Variants in LMO7 observed in about 807,000 individuals in gnomAD.
LMO7 encodes LIM domain only protein 7.
LMO7 carries 120 observed loss-of-function variants against 206.5 expected under a neutral mutation model. The ratio of observed to expected loss-of-function variants is 0.58; its 90% CI spans 0.50 to 0.68. LMO7 has a LOEUF of 0.68. LMO7 is among the 30% of genes least tolerant of loss of function. The pLI, the probability that LMO7 is intolerant of heterozygous loss-of-function variation, is 0.00. For missense variants in LMO7, 1,959 were observed against 1,957.9 expected, an observed-to-expected ratio of 1.00 and a Z score of -0.01; for synonymous variants, 706 against 681.5, an observed-to-expected ratio of 1.04 and a Z score of -0.56.
At chr13:75,640,616 A>C (rs921278395) in intron 1 of LMO7, among the ~76,000 whole-genome samples, 4 of 152,122 alleles carry the variant, frequency 2.6e-5, no homozygotes, top group African/African-American at 9.7e-5. Context: ...TTTCTATATT[A>C]GTCTATGAGC....
chr13:75,672,829 T>C (rs139148612), intron 1 of LMO7, among the ~76,000 whole-genome samples: 1 of 152,258 alleles, frequency 6.6e-6, no homozygotes, highest in African/African-American at 2.4e-5. Context: ...ATATAATTTG[T>C]GTCTTTTCTG....
At chr13:75,714,876 TA>T (rs1348521999) in intron 2 of LMO7, among the ~76,000 whole-genome samples, 1 of 151,892 alleles carries the variant, frequency 6.6e-6, no homozygotes, top group Non-Finnish European at 1.5e-5. Flanking sequence ...AGCTATTATT[TA>T]AATGTTTGCA....
intron 9 of LMO7, 124 bp downstream of exon 9, chr13:75,805,884 G>A (rs1294541992): frequency 1.1e-5 from 13 of 1,163,298 alleles, no homozygotes; most frequent in Non-Finnish European, 1.6e-5. Flanking sequence ...TCTAGTATCT[G>A]CGGAACCTAT....
chr13:75,739,541 T>C (rs1156310556), intron 3 of LMO7, among the ~76,000 whole-genome samples: 2 of 152,226 alleles, frequency 1.3e-5, no homozygotes, highest in African/African-American at 4.8e-5. Flanking sequence ...GGCAAGTCTA[T>C]GCATCCCTTC....
intron 2 of LMO7, among the ~76,000 whole-genome samples, chr13:75,726,596 A>G (rs1308764808): frequency 6.6e-6 from 1 of 152,080 alleles, no homozygotes; most frequent in Non-Finnish European, 1.5e-5. Flanking sequence ...AAATAATATG[A>G]TTTTGAAGCT....
intron 1 of LMO7, among the ~76,000 whole-genome samples, chr13:75,682,522 G>C (rs751334348): frequency 6.6e-6 from 1 of 152,182 alleles, no homozygotes; most frequent in Non-Finnish European, 1.5e-5. Context: ...GGGACAGATG[G>C]TATACATGGG....
At chr13:75,801,959 C>CCT (rs10559208) in intron 7 of LMO7, among the ~76,000 whole-genome samples, 1 of 151,480 alleles carries the variant, frequency 6.6e-6, no homozygotes, top group Non-Finnish European at 1.5e-5. Context: ...ATCTCTCTCT[C>CCT]CTCTCTCTCT....
intron 1 of LMO7, among the ~76,000 whole-genome samples, chr13:75,680,122 C>T (rs967264779): frequency 5.9e-5 from 9 of 152,148 alleles, no homozygotes; most frequent in Non-Finnish European, 5.9e-5. Context: ...TTGTTCAGCT[C>T]CCACTTGTAA....
chr13:75,802,484 G>C (rs1005823204), intron 7 of LMO7, among the ~76,000 whole-genome samples: 2 of 152,172 alleles, frequency 1.3e-5, no homozygotes, highest in African/African-American at 4.8e-5. Context: ...TTTATATCTA[G>C]TCAAGGAATA....
rs145725046 is a variant in LMO7 at position 75,836,432 on chromosome 13, T to A, written c.3369T>A (p.Asp1123Glu). 7.8e-6 allele frequency: 12 copies of A among 1,534,108 alleles called. No homozygotes were observed. The highest frequency in any genetic ancestry group is 9.8e-6 in the Non-Finnish European group (11 of 1,123,618). The change falls in exon 19 of 31, where the codon GAT (aspartate) becomes GAA (glutamate). Residue 1123 changes from aspartate to glutamate, a missense_variant. Transcript: ENST00000377534. ...IESKEINGIH[D>E]ESNAFESKAS... Reference sequence around the variant, plus strand: ...CCAAAGAAATCAATGGAATTCATGATGAAAGCAATGCTTTTGAATCAAAAG... The same window carrying A: ...CCAAAGAAATCAATGGAATTCATGAAGAAAGCAATGCTTTTGAATCAAAAG...
intron 1 of LMO7, among the ~76,000 whole-genome samples, chr13:75,700,896 G>C (rs2042242919): frequency 6.6e-6 from 1 of 152,166 alleles, no homozygotes; most frequent in African/African-American, 2.4e-5. Flanking sequence ...GACTGTGGTT[G>C]ACTGTGGGTA....
chr13:75,706,438 G>A (rs185422423), intron 1 of LMO7, among the ~76,000 whole-genome samples: 2 of 152,194 alleles, frequency 1.3e-5, no homozygotes, highest in East Asian at 1.9e-4. Flanking sequence ...CAGATTTTTC[G>A]AGTTATTGAG....
chr13:75,760,550 AAGAGG>A (rs2048077523), intron 3 of LMO7: 5 of 1,293,958 alleles, frequency 3.9e-6, no homozygotes, highest in Non-Finnish European at 4.9e-6. Context: ...GTTATTTTTA[AAGAGG>A]AGAGGTGAGG....
chr13:75,698,972 C>A (rs972372575), intron 1 of LMO7, among the ~76,000 whole-genome samples: 1 of 152,154 alleles, frequency 6.6e-6, no homozygotes, highest in Non-Finnish European at 1.5e-5. Context: ...ACTCTCCATT[C>A]TCTCTCTCCC....
intron 1 of LMO7, among the ~76,000 whole-genome samples, chr13:75,681,718 GTATATATATA>G (rs71127572): frequency 0.071 from 7,387 of 104,578 alleles, 499 homozygotes; most frequent in Middle Eastern, 0.13. Context: ...ATATATATAT[GTATATATATA>G]TATATATATA....
At chr13:75,764,875 G>A (rs1313902639) in intron 4 of LMO7, among the ~76,000 whole-genome samples, 1 of 152,070 alleles carries the variant, frequency 6.6e-6, no homozygotes, top group Non-Finnish European at 1.5e-5. Context: ...ATTATCTAGA[G>A]TATTGATATT....
chr13:75,733,812 G>A (rs1436144936), intron 3 of LMO7, among the ~76,000 whole-genome samples: 2 of 152,154 alleles, frequency 1.3e-5, no homozygotes, highest in East Asian at 3.9e-4. Flanking sequence ...TTGTTTTGAT[G>A]TTTGTGCCCT....
At chr13:75,654,109 T>A (rs1402552871) in intron 1 of LMO7, among the ~76,000 whole-genome samples, 1 of 152,146 alleles carries the variant, frequency 6.6e-6, no homozygotes, top group East Asian at 1.9e-4. Flanking sequence ...TTGGAATGTA[T>A]ATTAAAATTT....
intron 4 of LMO7, among the ~76,000 whole-genome samples, chr13:75,789,599 C>T (rs1189271975): frequency 6.6e-6 from 1 of 152,116 alleles, no homozygotes; most frequent in East Asian, 1.9e-4. Flanking sequence ...TTAGCTAGGC[C>T]TTTGATGGAC....
Sources: gnomAD v4.1 joint callset for allele counts (sites outside exome capture counted in the v4.1 genomes callset) on GRCh38, gnomAD v4.1.1 for gene constraint, MANE v1.5 for transcripts, NCBI Gene and HGNC (gene_info 2026-07-23, HGNC 2026-07-21) for gene names.